PLEKHM3: variants seen among roughly 807,000 people sequenced by gnomAD.
PLEKHM3 encodes the protein pleckstrin homology domain containing M3, also known as pleckstrin homology domain-containing family M member 3.
Under a neutral mutation model 81.8 loss-of-function variants are expected in PLEKHM3, and 45 were observed. That is an observed-to-expected ratio of 0.55 (90% confidence interval 0.43 to 0.71). The LOEUF is 0.71. PLEKHM3 is among the 30% of genes least tolerant of loss of function. The pLI is 0.00. For missense variants in PLEKHM3, 788 were observed against 924.3 expected, an observed-to-expected ratio of 0.85 and a Z score of 1.91; for synonymous variants, 352 against 356.4, an observed-to-expected ratio of 0.99 and a Z score of 0.14.
intron 6 of PLEKHM3, among the ~76,000 whole-genome samples, chr2:207,865,247 A>C (rs1339327881): frequency 3.9e-5 from 6 of 152,228 alleles, no homozygotes; most frequent in Non-Finnish European, 5.9e-5. Flanking sequence ...GTCATTCACC[A>C]CATTTCATTT....
chr2:207,864,528 C>T (rs2092485401), intron 6 of PLEKHM3, among the ~76,000 whole-genome samples: 1 of 152,156 alleles, frequency 6.6e-6, no homozygotes, highest in Non-Finnish European at 1.5e-5. Flanking sequence ...TAGGGGGAAA[C>T]AACCAGGATA....
At chr2:207,931,607 G>T (rs923193149) in intron 4 of PLEKHM3, among the ~76,000 whole-genome samples, 2 of 152,186 alleles carry the variant, frequency 1.3e-5, no homozygotes, top group Non-Finnish European at 2.9e-5. Flanking sequence ...TTTTAAAAAC[G>T]TCATAAATTT....
rs190559012 is a variant in PLEKHM3 at position 207,837,951 on chromosome 2, T to G, written c.2109-9455A>C. Among the ~76,000 whole-genome samples, 723 of 150,356 alleles carry G rather than the reference T, an allele frequency of 4.8e-3. 6 individuals are homozygous for G. Among genetic ancestry groups the G allele is most frequent in the African/African-American group, 0.016 (635 of 40,960 alleles). ...ACGCCCGGCTAATTTTTTGTATTTT[T>G]AGTAGAGATGGGGTTTCTCCATGTT... is the stretch of plus-strand genomic sequence containing the variant. On this transcript the variant is annotated intron_variant, in intron 7 of 7. Transcript: ENST00000427836.
chr2:207,875,598 T>C (rs889930547), intron 6 of PLEKHM3, among the ~76,000 whole-genome samples: 3 of 152,194 alleles, frequency 2.0e-5, no homozygotes, highest in Non-Finnish European at 4.4e-5. Flanking sequence ...CAGGGAAATG[T>C]GGAGGGTGTT....
intron 1 of PLEKHM3, among the ~76,000 whole-genome samples, chr2:208,004,189 G>A (rs539560981): frequency 1.3e-5 from 2 of 152,238 alleles, no homozygotes; most frequent in Admixed American, 6.5e-5. Flanking sequence ...GAGGCAGGCA[G>A]ATCACTTGAT....
intron 6 of PLEKHM3, among the ~76,000 whole-genome samples, chr2:207,902,590 C>T (rs941919592): frequency 6.6e-6 from 1 of 152,022 alleles, no homozygotes; most frequent in Non-Finnish European, 1.5e-5. Flanking sequence ...ATGGAGTGTT[C>T]GGGAAGTTTA....
chr2:207,876,556 G>T (rs887819148), intron 6 of PLEKHM3, among the ~76,000 whole-genome samples: 27 of 152,132 alleles, frequency 1.8e-4, no homozygotes, highest in African/African-American at 6.0e-4. Context: ...TTACTTATGG[G>T]TCTCTTAGGC....
intron 6 of PLEKHM3, among the ~76,000 whole-genome samples, chr2:207,882,316 A>G (rs1687717881): frequency 6.6e-6 from 1 of 152,166 alleles, no homozygotes; most frequent in South Asian, 2.1e-4. Flanking sequence ...AAACAGTTAT[A>G]AAAGGCCTGG....
At chr2:207,978,670 T>C (rs1439380749) in intron 2 of PLEKHM3, among the ~76,000 whole-genome samples, 1 of 152,150 alleles carries the variant, frequency 6.6e-6, no homozygotes, top group African/African-American at 2.4e-5. Flanking sequence ...TGAGCCTGAC[T>C]GTGCTTATGC....
At chr2:207,835,347 C>T (rs534554007) in intron 7 of PLEKHM3, among the ~76,000 whole-genome samples, 68 of 152,274 alleles carry the variant, frequency 4.5e-4, no homozygotes, top group African/African-American at 1.2e-3. Flanking sequence ...GAGTCCTTGG[C>T]GCAGGTTGGC....
chr2:207,935,931 T>A lies in PLEKHM3; in HGVS notation c.1693-4812A>T, dbSNP rs1689736318. Among the ~76,000 whole-genome samples, 9 of 152,358 alleles carry A rather than the reference T, an allele frequency of 5.9e-5. No homozygotes were observed. In the South Asian group the frequency reaches 1.9e-3, roughly 32 times the overall value. ...TTTAACTTTAAAATAAAACTGAAGT[T>A]CAATAACATTTCATTTATACAAAAG... On this transcript the variant is annotated intron_variant, in intron 4 of 7. Coordinates refer to ENST00000427836, the MANE Select transcript of PLEKHM3 (RefSeq NM_001080475.3).
chr2:207,961,535 A>C (rs1213592450), intron 3 of PLEKHM3, among the ~76,000 whole-genome samples: 1 of 152,118 alleles, frequency 6.6e-6, no homozygotes, highest in Non-Finnish European at 1.5e-5. Flanking sequence ...ATTTTTTTTC[A>C]GTTAAAGGTA....
intron 7 of PLEKHM3, among the ~76,000 whole-genome samples, chr2:207,844,020 C>G (rs1393792235): frequency 2.0e-5 from 3 of 151,910 alleles, no homozygotes; most frequent in Non-Finnish European, 4.4e-5. Flanking sequence ...GAGGTGGAGG[C>G]TGCAGTGAGC....
At chr2:207,888,034 A>T (rs1297823759) in intron 6 of PLEKHM3, among the ~76,000 whole-genome samples, 1 of 151,920 alleles carries the variant, frequency 6.6e-6, no homozygotes, top group African/African-American at 2.4e-5. Flanking sequence ...TCAATGTAGG[A>T]CAGTTTCTTC....
chr2:207,855,478 T>G (rs1300108853), intron 7 of PLEKHM3, among the ~76,000 whole-genome samples: 2 of 152,224 alleles, frequency 1.3e-5, no homozygotes, highest in Non-Finnish European at 2.9e-5. Flanking sequence ...GTATCCATAC[T>G]TGGCTCCCAA....
At chr2:208,014,489 CAA>C (rs1006275734) in intron 1 of PLEKHM3, among the ~76,000 whole-genome samples, 4 of 152,122 alleles carry the variant, frequency 2.6e-5, no homozygotes, top group African/African-American at 9.7e-5. Context: ...ACTAAAAATA[CAA>C]AAGTTAGCTG....
chr2:207,870,513 C>T (rs10932213), intron 6 of PLEKHM3, among the ~76,000 whole-genome samples: 37,673 of 152,142 alleles, frequency 0.25, 4,831 homozygotes, highest in Non-Finnish European at 0.3. Flanking sequence ...GCTGGCTTGA[C>T]GAAATGGAAG....
At chr2:207,979,536 G>GAAAAA (rs796407911) in intron 2 of PLEKHM3, among the ~76,000 whole-genome samples, 1 of 105,134 alleles carries the variant, frequency 9.5e-6, no homozygotes. Flanking sequence ...CGCCGTCTCA[G>GAAAAA]AAAAAAAAAA....
At chr2:207,861,928 T>C (rs1463143289) in intron 6 of PLEKHM3, among the ~76,000 whole-genome samples, 1 of 152,184 alleles carries the variant, frequency 6.6e-6, no homozygotes, top group Non-Finnish European at 1.5e-5. Context: ...AGCACAACTA[T>C]GCTTGGATTC....
Sources: gnomAD v4.1 joint callset for allele counts (sites outside exome capture counted in the v4.1 genomes callset) on GRCh38, gnomAD v4.1.1 for gene constraint, MANE v1.5 for transcripts, NCBI Gene and HGNC (gene_info 2026-07-23, HGNC 2026-07-21) for gene names.